The following HDAC9 variants were observed in gnomAD, a reference collection of about 807,000 sequenced individuals.
HDAC9 encodes MEF-2 interacting transcription repressor (MITR) protein.
A neutral mutation model predicts 139.4 loss-of-function variants in HDAC9; 41 were observed. The ratio of observed to expected loss-of-function variants is 0.29; its 90% CI spans 0.23 to 0.38. The LOEUF is 0.38. HDAC9 is among the 10% of genes least tolerant of loss of function. The pLI, the probability that HDAC9 is intolerant of heterozygous loss-of-function variation, is 1.00. For missense variants in HDAC9, 1,147 were observed against 1,297.0 expected (o/e 0.88, Z 1.78); for synonymous variants, 517 against 476.2 (o/e 1.09, Z -1.12).
intron 1 of HDAC9, among the ~76,000 whole-genome samples, chr7:18,421,861 G>A (rs982140508): frequency 6.6e-6 from 1 of 152,194 alleles, no homozygotes; most frequent in Non-Finnish European, 1.5e-5. Flanking sequence ...AAGGCTGGTG[G>A]TTATTGTTTG....
At chr7:18,253,953 A>G (rs1039097440) in intron 2 of HDAC9, among the ~76,000 whole-genome samples, 7 of 152,236 alleles carry the variant, frequency 4.6e-5, no homozygotes, top group African/African-American at 1.7e-4. Flanking sequence ...GGAGCCTGGG[A>G]AATGTAATCT....
chr7:18,401,910 A>T (rs936264340), intron 1 of HDAC9, among the ~76,000 whole-genome samples: 3 of 152,212 alleles, frequency 2.0e-5, no homozygotes, highest in African/African-American at 7.2e-5. Flanking sequence ...ACTTTTGTTG[A>T]TATTCTCAAT....
intron 1 of HDAC9, among the ~76,000 whole-genome samples, chr7:18,331,662 T>C (rs2128647722): frequency 6.6e-6 from 1 of 151,782 alleles, no homozygotes; most frequent in South Asian, 2.1e-4. Context: ...AAATGTCTAT[T>C]GTGTACACAG....
chr7:18,143,992 A>G (rs368956459), intron 1 of HDAC9, among the ~76,000 whole-genome samples: 3 of 152,244 alleles, frequency 2.0e-5, no homozygotes, highest in South Asian at 2.1e-4. Context: ...TGCTGGATCT[A>G]TTTATGCAAA....
At chr7:18,351,086 T>A (rs1387807592) in intron 1 of HDAC9, among the ~76,000 whole-genome samples, 2 of 152,202 alleles carry the variant, frequency 1.3e-5, no homozygotes, top group Admixed American at 1.3e-4. Context: ...TTCATGAATT[T>A]AGTAGTCGGC....
chr7:18,634,851 A>G (rs527976368), intron 8 of HDAC9, 109 bp downstream of exon 8: 13 of 688,002 alleles, frequency 1.9e-5, no homozygotes, highest in Non-Finnish European at 3.3e-5. Context: ...ATATTTATGA[A>G]TTGAAGTTTA....
chr7:18,396,824 G>T (rs1585610904), intron 1 of HDAC9, among the ~76,000 whole-genome samples: 2 of 152,118 alleles, frequency 1.3e-5, no homozygotes, highest in East Asian at 3.9e-4. Context: ...CTGATTCCTT[G>T]TTGCCGATTT....
intron 16 of HDAC9, among the ~76,000 whole-genome samples, chr7:18,777,841 T>C (rs1790910825): frequency 2.0e-5 from 3 of 151,974 alleles, no homozygotes; most frequent in African/African-American, 7.2e-5. Flanking sequence ...CATACCCTCC[T>C]GATTCTCACA....
rs534604141 is a variant in HDAC9 at position 18,358,200 on chromosome 7, A to G, written c.-42+67685A>G. ...GATACTCCATCTCAAAAACAAAGCA[A>G]AACAAAACAACAACAAAGAAGTTTA... is the stretch of plus-strand genomic sequence containing the variant. On this transcript the variant is annotated intron_variant, in intron 1 of 3. Transcript: ENST00000413509. Among the ~76,000 whole-genome samples the G allele has an allele frequency of 1.1e-3, 174 of 152,300 alleles. 1 individual carries two copies. The highest frequency in any genetic ancestry group is 1.2e-4 in the Non-Finnish European group (8 of 68,016).
chr7:18,626,646 A>G (rs1448737865), intron 6 of HDAC9, among the ~76,000 whole-genome samples: 1 of 152,168 alleles, frequency 6.6e-6, no homozygotes. Flanking sequence ...TAGATACAAG[A>G]CTAAAACCCA....
intron 22 of HDAC9, among the ~76,000 whole-genome samples, chr7:18,897,669 A>G (rs932043806): frequency 6.6e-6 from 1 of 151,928 alleles, no homozygotes; most frequent in Non-Finnish European, 1.5e-5. Flanking sequence ...ATAATTCTCT[A>G]CATAATATTT....
At chr7:18,343,250 G>A (rs1782151058) in intron 1 of HDAC9, among the ~76,000 whole-genome samples, 2 of 151,600 alleles carry the variant, frequency 1.3e-5, no homozygotes, top group South Asian at 4.2e-4. Flanking sequence ...CTACCCACTG[G>A]AACACATTTC....
intron 21 of HDAC9, among the ~76,000 whole-genome samples, chr7:18,836,673 T>G (rs913129287): frequency 2.6e-5 from 4 of 152,122 alleles, no homozygotes; most frequent in African/African-American, 7.2e-5. Context: ...AAGGCTTCTC[T>G]TTGAGAGAAT....
rs1783821240 is a variant in HDAC9, at chr7:18,362,028, C to G, written c.-42+71513C>G. Reference sequence around the variant, plus strand: ...TTCTTAGGCTAACTTACTGCTTTCCCTGCTCCTAAGGAGTCACCAGAGGGG... The same window carrying G: ...TTCTTAGGCTAACTTACTGCTTTCCGTGCTCCTAAGGAGTCACCAGAGGGG... On this transcript the variant is annotated intron_variant, in intron 1 of 3. Coordinates refer to the HDAC9 transcript ENST00000413509. 2.0e-5 allele frequency among the ~76,000 whole-genome samples: 3 copies of G among 152,192 alleles called. No homozygotes were observed. In the South Asian group the frequency reaches 6.2e-4, roughly 32 times the overall value.
intron 22 of HDAC9, among the ~76,000 whole-genome samples, chr7:18,885,425 A>C (rs111894132): frequency 0.012 from 1,787 of 152,334 alleles, 37 homozygotes; most frequent in African/African-American, 0.04. Context: ...AAATGAGATA[A>C]TATATACATA....
chr7:18,254,785 A>T (rs927093958), intron 2 of HDAC9, among the ~76,000 whole-genome samples: 1 of 152,172 alleles, frequency 6.6e-6, no homozygotes, highest in Non-Finnish European at 1.5e-5. Flanking sequence ...GTGTACTTTG[A>T]TATGATTTTT....
At chr7:18,194,028 T>G (rs1790556203) in intron 2 of HDAC9, among the ~76,000 whole-genome samples, 1 of 152,180 alleles carries the variant, frequency 6.6e-6, no homozygotes, top group African/African-American at 2.4e-5. Flanking sequence ...ATGAGCCTGA[T>G]TTTTCCTGAT....
intron 1 of HDAC9, among the ~76,000 whole-genome samples, chr7:18,092,525 C>G (rs1326350491): frequency 2.0e-5 from 3 of 151,918 alleles, no homozygotes; most frequent in African/African-American, 7.3e-5. Flanking sequence ...GCTGCTGTCG[C>G]TGCTGGCATA....
At chr7:18,304,432 G>T (rs1484114650) in intron 1 of HDAC9, among the ~76,000 whole-genome samples, 1 of 152,126 alleles carries the variant, frequency 6.6e-6, no homozygotes, top group Non-Finnish European at 1.5e-5. Flanking sequence ...AAAATATTAA[G>T]CATTCCATAA....
Sources: gnomAD v4.1 joint callset for allele counts (sites outside exome capture counted in the v4.1 genomes callset) on GRCh38, gnomAD v4.1.1 for gene constraint, MANE v1.5 for transcripts, NCBI Gene and HGNC (gene_info 2026-07-23, HGNC 2026-07-21) for gene names.